Variants in IL1RAPL2 observed in about 807,000 individuals in gnomAD.
IL1RAPL2 encodes the protein X-linked interleukin-1 receptor accessory protein-like 2.
Under a neutral mutation model 44.1 loss-of-function variants are expected in IL1RAPL2, and 3 were observed. That is an observed-to-expected ratio of 0.07 (90% CI 0.03 to 0.18). The LOEUF (loss-of-function observed/expected upper bound fraction) is 0.18, where lower values mean the gene tolerates loss of function less well. Among genes scored for constraint, IL1RAPL2 ranks in the 10% least tolerant of loss-of-function variants. The probability of loss-of-function intolerance (pLI) is 1.00; values close to 1 mark genes in which losing one functional copy is unlikely to be tolerated. For missense variants in IL1RAPL2, 391 were observed against 496.4 expected, an observed-to-expected ratio of 0.79 and a Z score of 2.02; for synonymous variants, 181 against 178.8, an observed-to-expected ratio of 1.01 and a Z score of -0.10.
intron 2 of IL1RAPL2, among the ~76,000 whole-genome samples, chrX:105,105,097 A>G (rs905952432): frequency 8.9e-6 from 1 of 111,947 alleles, no homozygotes; most frequent in African/African-American, 3.2e-5. Context: ...TATTATCTTC[A>G]TGTTAACCCT....
At chrX:105,268,037 A>C (rs2034417171) in intron 5 of IL1RAPL2, among the ~76,000 whole-genome samples, 1 of 112,211 alleles carries the variant, frequency 8.9e-6, no homozygotes, top group South Asian at 3.7e-4. Flanking sequence ...CAAATGAAGA[A>C]CATGCATGTG....
chrX:105,565,734 G>T (rs1376844333), intron 6 of IL1RAPL2, among the ~76,000 whole-genome samples: 1 of 112,130 alleles, frequency 8.9e-6, no homozygotes, highest in Admixed American at 9.5e-5. Flanking sequence ...TTCCATCAAA[G>T]TCTATACTTG....
intron 2 of IL1RAPL2, among the ~76,000 whole-genome samples, chrX:105,033,643 G>A (rs1202153810): frequency 9.0e-6 from 1 of 111,277 alleles, no homozygotes; most frequent in Non-Finnish European, 1.9e-5. Flanking sequence ...CTTTCTCTCT[G>A]GCTGCCCTTA....
chrX:104,712,000 C>T (rs1931467070), intron 2 of IL1RAPL2, among the ~76,000 whole-genome samples: 1 of 110,920 alleles, frequency 9.0e-6, no homozygotes, highest in Non-Finnish European at 1.9e-5. Flanking sequence ...CAGTATACCC[C>T]TGCTTGGTCC....
chrX:105,060,784 A>T (rs1212917104), intron 2 of IL1RAPL2, among the ~76,000 whole-genome samples: 2 of 109,229 alleles, frequency 1.8e-5, no homozygotes, highest in African/African-American at 3.3e-5. Flanking sequence ...GGTAGGTTGT[A>T]TGTGTCTAGA....
intron 2 of IL1RAPL2, among the ~76,000 whole-genome samples, chrX:105,010,912 T>C (rs2031037422): frequency 9.0e-6 from 1 of 111,498 alleles, no homozygotes; most frequent in East Asian, 2.8e-4. Context: ...CTATAGGAAG[T>C]AGAGAGACTC....
chrX:105,628,581 A>G (rs2037470552), intron 6 of IL1RAPL2, among the ~76,000 whole-genome samples: 1 of 112,574 alleles, frequency 8.9e-6, no homozygotes, highest in African/African-American at 3.2e-5. Flanking sequence ...AGAAAGACAC[A>G]TTTATAAATT....
At chrX:104,673,249 T>C (rs1202883817) in intron 2 of IL1RAPL2, among the ~76,000 whole-genome samples, 1 of 111,945 alleles carries the variant, frequency 8.9e-6, no homozygotes, top group Non-Finnish European at 1.9e-5. Context: ...TTTAAGTCTT[T>C]AATCCATGTT....
At chrX:104,628,471 T>A (rs2148010765) in intron 1 of IL1RAPL2, among the ~76,000 whole-genome samples, 1 of 111,861 alleles carries the variant, frequency 8.9e-6, no homozygotes, top group African/African-American at 3.2e-5. Context: ...CTGGCTTATT[T>A]AACTTAATGA....
intron 2 of IL1RAPL2, among the ~76,000 whole-genome samples, chrX:105,009,871 C>T (rs2031019153): frequency 9.0e-6 from 1 of 110,895 alleles, no homozygotes; most frequent in South Asian, 3.8e-4. Flanking sequence ...TGTGTGACTT[C>T]TTATGATTCT....
intron 2 of IL1RAPL2, among the ~76,000 whole-genome samples, chrX:105,017,615 A>G (rs746522453): frequency 9.0e-6 from 1 of 110,789 alleles, no homozygotes; most frequent in Non-Finnish European, 1.9e-5. Flanking sequence ...TCAGTGTACA[A>G]TTATAGTATT....
chrX:104,825,260 G>C (rs1275671150), intron 2 of IL1RAPL2, among the ~76,000 whole-genome samples: 1 of 111,888 alleles, frequency 8.9e-6, no homozygotes, highest in Admixed American at 9.5e-5. Flanking sequence ...AGGCAAATAA[G>C]GTATGGCCCT....
intron 2 of IL1RAPL2, among the ~76,000 whole-genome samples, chrX:104,914,044 C>T (rs918262086): frequency 9.0e-6 from 1 of 111,315 alleles, no homozygotes; most frequent in African/African-American, 3.3e-5. Flanking sequence ...ACCAGAGCAG[C>T]GTTTCTCTAA....
intron 1 of IL1RAPL2, among the ~76,000 whole-genome samples, chrX:104,596,823 G>A (rs1022060129): frequency 8.1e-5 from 9 of 111,451 alleles, no homozygotes; most frequent in East Asian, 2.8e-4. Flanking sequence ...AGTAACATGC[G>A]CAGTAATGAC....
chrX:104,910,853 C>G (rs1356471443), intron 2 of IL1RAPL2, among the ~76,000 whole-genome samples: 1 of 111,791 alleles, frequency 8.9e-6, no homozygotes, highest in Non-Finnish European at 1.9e-5. Flanking sequence ...TTCCTTAAAT[C>G]ATTTTCTTTG....
At chrX:104,906,166 C>G (rs1283137092) in intron 2 of IL1RAPL2, among the ~76,000 whole-genome samples, 3 of 111,258 alleles carry the variant, frequency 2.7e-5, no homozygotes, top group East Asian at 2.8e-4. Context: ...TATCCTGAGA[C>G]TTTGCTGAAG....
intron 2 of IL1RAPL2, among the ~76,000 whole-genome samples, chrX:104,730,983 G>A (rs1447338958): frequency 1.2e-4 from 13 of 110,104 alleles, no homozygotes; most frequent in Non-Finnish European, 2.5e-4. Flanking sequence ...GTGATGATGA[G>A]CATTTTTTCA....
intron 2 of IL1RAPL2, among the ~76,000 whole-genome samples, chrX:104,888,313 A>T (rs1295794424): frequency 9.4e-6 from 1 of 105,984 alleles, no homozygotes; most frequent in Non-Finnish European, 1.9e-5. Flanking sequence ...AGAGACAAAG[A>T]GGGAGTCAGA....
Position 104,802,631 on chromosome X carries a change from CTA to C in IL1RAPL2, c.82+143638_82+143639del, listed in dbSNP as rs1394682180. ...TTTCAACTAACACAGCAGTATTTTT[CTA>C]TGTTTGTTCATAGTACAATTTTCTA... On this transcript the variant is annotated intron_variant, in intron 2 of 10. Transcript: ENST00000372582. Among the ~76,000 whole-genome samples the C allele has an allele frequency of 4.3e-4, 48 of 111,768 alleles. 1 individual carries two copies. Among genetic ancestry groups the C allele is most frequent in the Middle Eastern group, 4.7e-3 (1 of 215 alleles).
Sources: gnomAD v4.1 joint callset for allele counts (sites outside exome capture counted in the v4.1 genomes callset) on GRCh38, gnomAD v4.1.1 for gene constraint, MANE v1.5 for transcripts, NCBI Gene and HGNC (gene_info 2026-07-23, HGNC 2026-07-21) for gene names.